Variants in TMCC1 observed in about 807,000 individuals in gnomAD.
TMCC1 encodes the protein transmembrane and coiled-coil domain family 1.
A neutral mutation model predicts 52.4 loss-of-function variants in TMCC1; 15 were observed. The observed-to-expected ratio is 0.29, with a 90% CI of 0.19 to 0.44. The LOEUF is 0.44. TMCC1 is among the 20% of genes least tolerant of loss of function. TMCC1 has a pLI of 1.00. For missense variants in TMCC1, 503 were observed against 806.0 expected, an observed-to-expected ratio of 0.62 and a Z score of 4.55; for synonymous variants, 279 against 301.9, an observed-to-expected ratio of 0.92 and a Z score of 0.79.
intron 4 of TMCC1, among the ~76,000 whole-genome samples, chr3:129,774,708 G>A (rs1393950012): frequency 6.6e-6 from 1 of 152,202 alleles, no homozygotes; most frequent in Non-Finnish European, 1.5e-5. Flanking sequence ...GTTTTGTGGG[G>A]AAATGGAAGT....
chr3:129,660,886 C>A (rs1314912440), intron 5 of TMCC1, among the ~76,000 whole-genome samples: 2 of 152,180 alleles, frequency 1.3e-5, no homozygotes, highest in African/African-American at 2.4e-5. Flanking sequence ...TCAAGTGATC[C>A]TCCCATCTCA....
At chr3:129,697,841 C>T (rs927897775) in intron 4 of TMCC1, among the ~76,000 whole-genome samples, 1 of 152,140 alleles carries the variant, frequency 6.6e-6, no homozygotes, top group African/African-American at 2.4e-5. Context: ...CATCTGAGAC[C>T]ATCGCAGCCC....
intron 4 of TMCC1, among the ~76,000 whole-genome samples, chr3:129,815,685 G>C (rs926852372): frequency 6.6e-6 from 1 of 152,090 alleles, no homozygotes; most frequent in Non-Finnish European, 1.5e-5. Context: ...ACATTGGTCT[G>C]GACAAGGATT....
At chr3:129,767,902 T>C (rs1305256185) in intron 4 of TMCC1, among the ~76,000 whole-genome samples, 6 of 152,202 alleles carry the variant, frequency 3.9e-5, no homozygotes, top group Admixed American at 1.3e-4. Context: ...AATAAATACA[T>C]ATTTCAGGCC....
intron 4 of TMCC1, among the ~76,000 whole-genome samples, chr3:129,727,184 T>G (rs919922359): frequency 6.6e-6 from 1 of 152,214 alleles, no homozygotes; most frequent in Non-Finnish European, 1.5e-5. Context: ...GTACTCACTT[T>G]GCAGAGATGT....
chr3:129,706,202 T>TA (rs978086715), intron 4 of TMCC1, among the ~76,000 whole-genome samples: 2 of 151,342 alleles, frequency 1.3e-5, no homozygotes, highest in African/African-American at 4.9e-5. Context: ...AACACTTTTT[T>TA]ATTTTTTATT....
intron 2 of TMCC1, among the ~76,000 whole-genome samples, chr3:129,869,616 T>C (rs373235089): frequency 5.9e-5 from 9 of 152,166 alleles, no homozygotes; most frequent in African/African-American, 9.7e-5. Flanking sequence ...CTCAGTGTCA[T>C]AGAACTGAAG....
chr3:129,817,153 A>G (rs907515807), intron 4 of TMCC1, among the ~76,000 whole-genome samples: 1 of 152,248 alleles, frequency 6.6e-6, no homozygotes. Flanking sequence ...TACGTAAATT[A>G]TATATCAATT....
chr3:129,678,060 T>C (rs149847135), intron 4 of TMCC1, among the ~76,000 whole-genome samples: 14 of 151,652 alleles, frequency 9.2e-5, no homozygotes, highest in African/African-American at 3.1e-4. Flanking sequence ...CCAAATTACA[T>C]GGGATTATAG....
chr3:129,886,491 A>G (rs760379227), intron 1 of TMCC1, among the ~76,000 whole-genome samples: 2 of 152,242 alleles, frequency 1.3e-5, no homozygotes, highest in Non-Finnish European at 2.9e-5. Context: ...ATAGCAAAAA[A>G]GCGGCATTAT....
intron 4 of TMCC1, among the ~76,000 whole-genome samples, chr3:129,753,531 T>G (rs1255505047): frequency 1.3e-5 from 2 of 152,232 alleles, no homozygotes; most frequent in Non-Finnish European, 1.5e-5. Context: ...CTAGGAATGC[T>G]AGACTAGTTA....
intron 4 of TMCC1, among the ~76,000 whole-genome samples, chr3:129,799,386 C>CAACT (rs2057043761): frequency 6.6e-6 from 1 of 152,130 alleles, no homozygotes; most frequent in Non-Finnish European, 1.5e-5. Context: ...TCCTTGTATC[C>CAACT]AACTAACTCA....
At chr3:129,736,524 CTT>C (rs758923804) in intron 4 of TMCC1, among the ~76,000 whole-genome samples, 21 of 139,282 alleles carry the variant, frequency 1.5e-4, no homozygotes, top group Admixed American at 2.2e-4. Context: ...ATTTTCTTTT[CTT>C]TTTTTTTTTT....
intron 4 of TMCC1, among the ~76,000 whole-genome samples, chr3:129,755,306 C>T (rs937869952): frequency 2.0e-5 from 3 of 151,692 alleles, no homozygotes; most frequent in African/African-American, 7.3e-5. Flanking sequence ...ATGCAATATA[C>T]CCAAGTAATA....
chr3:129,681,881 C>T (rs2089017073), intron 4 of TMCC1, among the ~76,000 whole-genome samples: 1 of 148,638 alleles, frequency 6.7e-6, no homozygotes, highest in South Asian at 2.1e-4. Context: ...GCACTCCAGC[C>T]TGGACAACAG....
At chr3:129,716,711 C>G (rs192504200) in intron 4 of TMCC1, among the ~76,000 whole-genome samples, 1 of 152,010 alleles carries the variant, frequency 6.6e-6, no homozygotes, top group Non-Finnish European at 1.5e-5. Flanking sequence ...CTCAACTGCC[C>G]GGCAGATAAA....
Position 129,863,730 on chromosome 3 carries a change from C to T in TMCC1, c.-184+16579G>A, listed in dbSNP as rs544589249. On this transcript the variant is annotated intron_variant, in intron 2 of 6. Transcript: ENST00000393238. The stretch of plus-strand genomic sequence containing the variant: ...TACAAAAATTAGCCAGGCGTGGTGG[C>T]GCGCACCTGTAATCTCAGCTACTCA... Among the ~76,000 whole-genome samples, 8 of 152,102 alleles carry T rather than the reference C, an allele frequency of 5.3e-5. No individual in the cohort carries two copies. The South Asian group carries it at 1.5e-3, about 28-fold the overall frequency.
chr3:129,661,970 T>C (rs1560133976), intron 5 of TMCC1, among the ~76,000 whole-genome samples: 1 of 152,184 alleles, frequency 6.6e-6, no homozygotes, highest in Non-Finnish European at 1.5e-5. Flanking sequence ...AATTCTAAAA[T>C]GGAGAAACCA....
intron 4 of TMCC1, among the ~76,000 whole-genome samples, chr3:129,824,931 A>G (rs1193337076): frequency 1.3e-5 from 2 of 152,184 alleles, no homozygotes; most frequent in Admixed American, 1.3e-4. Flanking sequence ...CTGTTCTTCT[A>G]TTGTCCATTC....
Sources: gnomAD v4.1 joint callset for allele counts (sites outside exome capture counted in the v4.1 genomes callset) on GRCh38, gnomAD v4.1.1 for gene constraint, MANE v1.5 for transcripts, NCBI Gene and HGNC (gene_info 2026-07-23, HGNC 2026-07-21) for gene names.